The following IGF1 variants were observed in gnomAD, a reference collection of about 807,000 sequenced individuals.
IGF1 encodes the protein insulin-like growth factor 1.
A neutral mutation model predicts 13.8 loss-of-function variants in IGF1; 4 were observed. The ratio of observed to expected loss-of-function variants is 0.29; its 90% CI spans 0.14 to 0.66. The LOEUF is 0.66. Among genes scored for constraint, IGF1 ranks in the 30% least tolerant of loss-of-function variants. The pLI is 0.78. For synonymous variants in IGF1, 76 were observed against 72.6 expected, an observed-to-expected ratio of 1.05 and a Z score of -0.23; for missense variants, 124 against 188.5, an observed-to-expected ratio of 0.66 and a Z score of 2.00.
intron 2 of IGF1, among the ~76,000 whole-genome samples, chr12:102,447,462 C>T (rs768927656): frequency 5.9e-5 from 9 of 152,254 alleles, no homozygotes; most frequent in Middle Eastern, 6.8e-3. Context: ...TTGCATTGAT[C>T]CCTTTACCAT....
Position 102,441,906 on chromosome 12 carries a change from GCTT to G in IGF1, c.221-22219_221-22217del, listed in dbSNP as rs770800968. ...GAGCACTAAGTCATTCTATTACACT[GCTT>G]CTTCTCCTTCTTCTTCTTCTTCTTC... On this transcript the variant is annotated intron_variant, in intron 2 of 3. Transcript: ENST00000337514. Among the ~76,000 whole-genome samples, 105 of 100,346 alleles carry G rather than the reference GCTT, an allele frequency of 1.0e-3. 3 individuals are homozygous for G. The highest frequency in any genetic ancestry group is 3.9e-3 in the African/African-American group (99 of 25,468). The allele number at this position is 100,346 out of a possible 152,430, so 65.8% of individuals were successfully genotyped here.
intron 2 of IGF1, among the ~76,000 whole-genome samples, chr12:102,425,796 C>T (rs530965905): frequency 1.1e-3 from 163 of 152,326 alleles, no homozygotes; most frequent in African/African-American, 3.9e-3. Flanking sequence ...TTACTTTAGC[C>T]TGATACAATG....
In IGF1 at chr12:102,396,647, A is replaced by G; in HGVS notation, c.*5860T>C. 1 of 371,330 alleles carries G rather than the reference A, an allele frequency of 2.7e-6. No individual in the cohort carries two copies. Among genetic ancestry groups the G allele is most frequent in the South Asian group, 1.5e-4 (1 of 6,792 alleles). 23.0% of individuals were successfully genotyped at this position (371,330 alleles called of 1,614,324 possible). A position where few individuals can be genotyped will look rare whatever the true frequency, so the allele number is the denominator to read the frequency against. ...GTTTACTTTTAGGCCTCAGTAATAT[A>G]AAAAAAGGCAGATTCTAAGGATTGT... On this transcript the variant is annotated 3_prime_UTR_variant, in exon 4 of 4. Transcript: ENST00000337514.
At chr12:102,463,050 A>G (rs555352987) in intron 2 of IGF1, 13 of 152,348 alleles carry the variant, frequency 8.5e-5, no homozygotes, top group African/African-American at 2.4e-4. Context: ...CATATTAGAT[A>G]AAGTCGCAGC....
chr12:102,481,812 C>T (rs1252734278), upstream of IGF1: 1 of 150,700 alleles, frequency 6.6e-6, no homozygotes, highest in African/African-American at 2.4e-5. Flanking sequence ...AGGGGACTGA[C>T]ACATCAACTG....
intron 2 of IGF1, among the ~76,000 whole-genome samples, chr12:102,455,474 C>G (rs915984887): frequency 6.6e-6 from 1 of 152,202 alleles, no homozygotes; most frequent in African/African-American, 2.4e-5. Flanking sequence ...AATCTCAGGT[C>G]AGGCAGTACA....
intron 2 of IGF1, among the ~76,000 whole-genome samples, chr12:102,452,753 G>T (rs1329250550): frequency 3.9e-5 from 6 of 152,198 alleles, no homozygotes; most frequent in African/African-American, 1.4e-4. Context: ...ATGGGAAAAA[G>T]AAGTCTTCTG....
chr12:102,473,995 T>C (rs1880853173), intron 2 of IGF1, among the ~76,000 whole-genome samples: 1 of 152,212 alleles, frequency 6.6e-6, no homozygotes, highest in Non-Finnish European at 1.5e-5. Flanking sequence ...CTTCTAGGCT[T>C]GGCAATTACC....
rs59075811 is a variant in IGF1, at chr12:102,456,221, G to GGTGTGT, written c.220+19416_220+19421dup. On this transcript the variant is annotated intron_variant, in intron 2 of 3. Transcript: ENST00000337514. ...TATTCAATTTTTTCCATTTAAAAAA[G>GGTGTGT]GTGTGTGTGTGTGTGTGTGTGTGTG... Among the ~76,000 whole-genome samples the GGTGTGT allele has an allele frequency of 7.5e-3, 1,053 of 140,260 alleles. 8 individuals are homozygous for GGTGTGT. The highest frequency in any genetic ancestry group is 0.018 in the Middle Eastern group (5 of 274). The allele number at this position is 140,260 out of a possible 152,430, so 92.0% of individuals were successfully genotyped here. A position where few individuals can be genotyped will look rare whatever the true frequency, so the allele number is the denominator to read the frequency against.
rs1176837219 is a variant in IGF1 at position 102,401,475 on chromosome 12, C to T, written c.*1032G>A. The stretch of plus-strand genomic sequence containing the variant: ...TAACTGGGGGGACTTTGCCTTCTTT[C>T]CCAAATGGATGGTGTTTTCAGTACC... On this transcript the variant is annotated 3_prime_UTR_variant, in exon 4 of 4. Transcript: ENST00000337514. 1 of 152,612 alleles carries T rather than the reference C, an allele frequency of 6.6e-6. No homozygotes were observed. The highest frequency in any genetic ancestry group is 2.4e-5 in the African/African-American group (1 of 41,440). 9.5% of individuals were successfully genotyped at this position (152,612 alleles called of 1,614,324 possible).
intron 2 of IGF1, among the ~76,000 whole-genome samples, chr12:102,441,860 G>A (rs1007852466): frequency 1.4e-5 from 2 of 145,186 alleles, no homozygotes; most frequent in African/African-American, 5.1e-5. Context: ...CCCAAACCAG[G>A]ATCCAAACTC....
intron 2 of IGF1, among the ~76,000 whole-genome samples, chr12:102,460,403 C>T (rs944682445): frequency 6.6e-6 from 1 of 152,248 alleles, no homozygotes; most frequent in East Asian, 1.9e-4. Context: ...GAACTATTCC[C>T]ATCTGACTCA....
intron 2 of IGF1, among the ~76,000 whole-genome samples, chr12:102,420,891 G>A (rs980984446): frequency 1.3e-5 from 2 of 152,174 alleles, no homozygotes; most frequent in Admixed American, 6.5e-5. Context: ...CTTAATTCCT[G>A]ACAGAAGAAA....
In IGF1 at chr12:102,427,386, C is replaced by T. The variant is rs112268476; in HGVS notation, c.221-7696G>A. 5.9e-3 allele frequency among the ~76,000 whole-genome samples: 896 copies of T among 152,250 alleles called. 8 individuals are homozygous for T. Among genetic ancestry groups the T allele is most frequent in the African/African-American group, 0.019 (809 of 41,554 alleles). ...TAAGGCATTCGTGAGTCGAGGGTAA[C>T]GCCCTCTTTCTGGTGCCACAGAAAG... is the stretch of plus-strand genomic sequence containing the variant. On this transcript the variant is annotated intron_variant, in intron 2 of 3. Transcript: ENST00000337514.
chr12:102,461,990 G>A (rs1246507011), intron 2 of IGF1, among the ~76,000 whole-genome samples: 1 of 152,090 alleles, frequency 6.6e-6, no homozygotes, highest in Non-Finnish European at 1.5e-5. Flanking sequence ...ACCTTAACAC[G>A]CATCCAAATC....
intron 2 of IGF1, among the ~76,000 whole-genome samples, chr12:102,464,345 A>G (rs17885262): frequency 6.6e-6 from 1 of 151,564 alleles, no homozygotes; most frequent in African/African-American, 2.4e-5. Context: ...CAGATCCAAA[A>G]TGATGTCAGT....
Position 102,440,932 on chromosome 12 carries a change from G to A in IGF1, c.221-21242C>T, listed in dbSNP as rs1047722153. On this transcript the variant is annotated intron_variant, in intron 2 of 3. Transcript: ENST00000337514. Reference sequence around the variant, plus strand: ...AGTTTTTTGGGAGATCATTTGTGATGTAATTAGATGGTGCTCAGTCCTTTT... The same window carrying A: ...AGTTTTTTGGGAGATCATTTGTGATATAATTAGATGGTGCTCAGTCCTTTT... Among the ~76,000 whole-genome samples, 39 of 152,184 alleles carry A rather than the reference G, an allele frequency of 2.6e-4. 1 individual carries two copies. The highest frequency in any genetic ancestry group is 2.4e-3 in the Admixed American group (37 of 15,276).
intron 2 of IGF1, among the ~76,000 whole-genome samples, chr12:102,466,182 A>G (rs1472991710): frequency 1.3e-5 from 2 of 152,184 alleles, no homozygotes; most frequent in African/African-American, 4.8e-5. Context: ...TTTTTCAGAG[A>G]AAAGCTTTCA....
At position 102,475,787 on chromosome 12, in the gene IGF1, T is replaced by A. The variant is rs1592837807; in HGVS notation, c.76A>T (p.Thr26Ser). 6.2e-7 allele frequency: 1 copy of A among 1,613,482 alleles called. No homozygotes were observed. Among genetic ancestry groups the A allele is most frequent in the East Asian group, 2.2e-5 (1 of 44,836 alleles). ...FCDFLKVKMHTMSSSHLFYLA... is the reference protein window; with the variant it reads ...FCDFLKVKMHSMSSSHLFYLA... Reference sequence around the variant, plus strand: ...TAGAAGAGATGCGAGGAGGACATGGTGTGCATCTTCACCTGCCCAAGAAAC... The same window carrying A: ...TAGAAGAGATGCGAGGAGGACATGGAGTGCATCTTCACCTGCCCAAGAAAC... The change falls in exon 2 of 4, where the codon ACC becomes TCC. Residue 26 changes from threonine (T) to serine (S), a missense_variant. By Grantham distance (58) the Thr-to-Ser change is moderately conservative. Coordinates refer to ENST00000337514, the MANE Select transcript of IGF1 (RefSeq NM_000618.5).
Sources: gnomAD v4.1 joint callset for allele counts (sites outside exome capture counted in the v4.1 genomes callset) on GRCh38, gnomAD v4.1.1 for gene constraint, MANE v1.5 for transcripts, NCBI Gene and HGNC (gene_info 2026-07-23, HGNC 2026-07-21) for gene names.